Variants in OR8B2 observed in about 807,000 individuals in gnomAD.
OR8B2 encodes olfactory receptor family 8 subfamily B member 2.
For missense variants in OR8B2, 304 were observed against 379.6 expected (o/e 0.80, Z 1.65); for synonymous variants, 98 against 138.2 (o/e 0.71, Z 2.04).
chr11:124,396,183 G>T, the OR8B2 span: 4 of 493,360 alleles, frequency 8.1e-6, no homozygotes, highest in East Asian at 1.4e-4. Flanking sequence ...AAATATCAGT[G>T]CATATGTTCC....
chr11:124,388,704 G>A (rs1057011001), upstream of OR8B2, among the ~76,000 whole-genome samples: 1 of 151,984 alleles, frequency 6.6e-6, no homozygotes, highest in Non-Finnish European at 1.5e-5. Flanking sequence ...TATAATTACT[G>A]TGAACACAGA....
At chr11:124,385,226 A>G (rs1046009890), upstream of OR8B2, among the ~76,000 whole-genome samples, 1 of 152,194 alleles carries the variant, frequency 6.6e-6, no homozygotes, top group African/African-American at 2.4e-5. Flanking sequence ...ATGTGCCCTC[A>G]TTTTAAGACA....
the OR8B2 span, among the ~76,000 whole-genome samples, chr11:124,394,759 A>T: frequency 2.0e-5 from 3 of 152,182 alleles, no homozygotes; most frequent in Admixed American, 2.0e-4. Flanking sequence ...CTTCATGGGG[A>T]GCTGAGCTGT....
rs770796971 is a variant in OR8B2 at position 124,383,197 on chromosome 11, G to T, written c.147C>A (p.Phe49Leu). The change falls in exon 2 of 2, where the codon TTC (phenylalanine) becomes TTA (leucine). Residue 49 changes from phenylalanine to leucine, a missense_variant. By Grantham distance (22) the Phe-to-Leu change is conservative (BLOSUM62 0). Coordinates refer to ENST00000641451, the MANE Select transcript of OR8B2 (RefSeq NM_001005468.2). ...GTGTGTGGAGGTGAGAATTTAGACC[G>T]AAAAGAGTGATCAAGCCAAGGTTGC... ...MVGNLGLITL[F>L]GLNSHLHTPM... 1.9e-5 allele frequency: 30 copies of T among 1,613,626 alleles called. No individual in the cohort carries two copies. The South Asian group carries it at 3.3e-4, about 18-fold the overall frequency.
chr11:124,395,817 TAGAGGTTCTCAGAAGCA>T, the OR8B2 span: 1 of 152,524 alleles, frequency 6.6e-6, no homozygotes, highest in African/African-American at 2.4e-5. Context: ...ACTGGACTGA[TAGAGGTTCTCAGAAGCA>T]AACGGCATGT....
At position 124,382,987 on chromosome 11, in the gene OR8B2, T is replaced by C. The variant is rs1406466230; in HGVS notation, c.357A>G (p.Ala119=). The change falls in exon 2 of 2, where the codon GCA becomes GCG. Residue 119 remains alanine (A), a synonymous_variant. Coordinates refer to ENST00000641451, the MANE Select transcript of OR8B2 (RefSeq NM_001005468.2). The part of the protein sequence containing the change: ...ISECYMLTSM[A]YDRYVAICNP... ...TACAGATGGCCACATAGCGATCATA[T>C]GCCATTGAAGTCAACATGTAACATT... 3.7e-6 allele frequency: 6 copies of C among 1,613,430 alleles called. No individual in the cohort carries two copies. In the South Asian group the frequency reaches 5.5e-5, roughly 15 times the overall value.
chr11:124,393,063 G>T, the OR8B2 span, among the ~76,000 whole-genome samples: 1 of 145,374 alleles, frequency 6.9e-6, no homozygotes, highest in Admixed American at 6.8e-5. Flanking sequence ...CTAGCCATAT[G>T]TAGAAAGCTG....
At chr11:124,396,369 T>A in the OR8B2 span, 565 of 1,524,542 alleles carry the variant, frequency 3.7e-4, 3 homozygotes, top group African/African-American at 6.9e-3. Context: ...CTAATAAAAA[T>A]TTAAAGTTCT....
upstream of OR8B2, among the ~76,000 whole-genome samples, chr11:124,388,709 C>T (rs1402197086): frequency 3.9e-5 from 6 of 152,016 alleles, no homozygotes; most frequent in Non-Finnish European, 8.8e-5. Context: ...TTACTGTGAA[C>T]ACAGAAAGTA....
upstream of OR8B2, among the ~76,000 whole-genome samples, chr11:124,389,021 T>C (rs1370157463): frequency 1.3e-5 from 2 of 151,992 alleles, no homozygotes; most frequent in African/African-American, 4.8e-5. Flanking sequence ...AGACGGGGTT[T>C]CACCGTGTTG....
At chr11:124,386,464 G>A (rs1253079262), upstream of OR8B2, among the ~76,000 whole-genome samples, 1 of 133,370 alleles carries the variant, frequency 7.5e-6, no homozygotes, top group Non-Finnish European at 1.5e-5. Context: ...GTGTCCATGT[G>A]TTCTCATTGT....
the OR8B2 span, among the ~76,000 whole-genome samples, chr11:124,389,845 T>A: frequency 1.3e-4 from 20 of 152,218 alleles, no homozygotes; most frequent in South Asian, 4.2e-4. Flanking sequence ...GCCAGTAGTA[T>A]GCTATGCATT....
At chr11:124,387,099 G>C (rs1172474433), upstream of OR8B2, among the ~76,000 whole-genome samples, 1 of 152,240 alleles carries the variant, frequency 6.6e-6, no homozygotes, top group Non-Finnish European at 1.5e-5. Flanking sequence ...ACTTTTTGAT[G>C]GGGTTGTTTG....
the OR8B2 span, among the ~76,000 whole-genome samples, chr11:124,392,365 C>T: frequency 3.2e-5 from 4 of 123,780 alleles, no homozygotes; most frequent in Admixed American, 1.6e-4. Context: ...TAGAAAACCC[C>T]ATTGTCTCAG....
chr11:124,393,436 T>C, the OR8B2 span, among the ~76,000 whole-genome samples: 1 of 144,172 alleles, frequency 6.9e-6, no homozygotes, highest in African/African-American at 2.8e-5. Flanking sequence ...AACAACCCCA[T>C]CAAAAAGTGG....
chr11:124,386,760 T>G (rs1422572887), upstream of OR8B2, among the ~76,000 whole-genome samples: 1 of 152,156 alleles, frequency 6.6e-6, no homozygotes, highest in African/African-American at 2.4e-5. Flanking sequence ...TATAGTCCTT[T>G]GGGTATATAC....
chr11:124,391,288 C>CA, the OR8B2 span, among the ~76,000 whole-genome samples: 69,833 of 145,506 alleles, frequency 0.48, 17,186 homozygotes, highest in East Asian at 0.59. Context: ...GAAATACAGA[C>CA]AAAAAAAAAA....
chr11:124,386,502 G>A (rs1463471082), upstream of OR8B2, among the ~76,000 whole-genome samples: 13 of 144,240 alleles, frequency 9.0e-5, no homozygotes, highest in South Asian at 9.0e-4. Flanking sequence ...GTGAGAATAC[G>A]TGGTGTTTGG....
chr11:124,390,156 A>C, the OR8B2 span, among the ~76,000 whole-genome samples: 1 of 152,162 alleles, frequency 6.6e-6, no homozygotes, highest in African/African-American at 2.4e-5. Flanking sequence ...GAGACCAACC[A>C]GAAGGCCTGA....
Sources: gnomAD v4.1 joint callset for allele counts (sites outside exome capture counted in the v4.1 genomes callset) on GRCh38, gnomAD v4.1.1 for gene constraint, MANE v1.5 for transcripts, NCBI Gene and HGNC (gene_info 2026-07-23, HGNC 2026-07-21) for gene names.